The following PTPRD variants were observed in gnomAD, a reference collection of about 807,000 sequenced individuals.
PTPRD encodes the protein protein tyrosine phosphatase receptor type D.
In PTPRD, 34 loss-of-function variants were observed where a neutral mutation model predicts 214.5. That is an observed-to-expected ratio of 0.16 (90% CI 0.12 to 0.21). PTPRD has a LOEUF of 0.21. Among genes scored for constraint, PTPRD ranks in the 10% least tolerant of loss-of-function variants. The pLI, the probability that PTPRD is intolerant of heterozygous loss-of-function variation, is 1.00. For missense variants in PTPRD, 2,545 were observed against 2,398.7 expected (o/e 1.06, Z -1.27); for synonymous variants, 1,128 against 845.7 (o/e 1.33, Z -5.79).
chr9:9,884,037 C>T (rs763612151), intron 5 of PTPRD, among the ~76,000 whole-genome samples: 4 of 151,984 alleles, frequency 2.6e-5, no homozygotes, highest in South Asian at 2.1e-4. Context: ...GGAAGATATA[C>T]ATTATCTAAG....
At chr9:9,641,781 G>A (rs532045024) in intron 7 of PTPRD, among the ~76,000 whole-genome samples, 1 of 152,178 alleles carries the variant, frequency 6.6e-6, no homozygotes, top group Non-Finnish European at 1.5e-5. Flanking sequence ...GTTTGCCAGC[G>A]GGGCTGAAGG....
chr9:9,036,133 T>A (rs1281475763), intron 10 of PTPRD, among the ~76,000 whole-genome samples: 2 of 151,856 alleles, frequency 1.3e-5, no homozygotes, highest in Non-Finnish European at 2.9e-5. Context: ...CCAAGGAAAG[T>A]CTTGCTTCAA....
intron 9 of PTPRD, among the ~76,000 whole-genome samples, chr9:9,232,275 A>G (rs906690801): frequency 3.3e-5 from 5 of 152,186 alleles, no homozygotes; most frequent in African/African-American, 1.2e-4. Context: ...AAAATCAACA[A>G]TTGTCCCTGC....
chr9:9,916,661 GTAGTTA>G (rs1197577849), intron 5 of PTPRD, among the ~76,000 whole-genome samples: 1 of 151,878 alleles, frequency 6.6e-6, no homozygotes, highest in Non-Finnish European at 1.5e-5. Context: ...AAAGCTAACA[GTAGTTA>G]TAGTTAGATC....
intron 43 of PTPRD, among the ~76,000 whole-genome samples, chr9:8,336,352 A>C (rs566616237): frequency 0.022 from 3,270 of 147,438 alleles, 9 homozygotes; most frequent in African/African-American, 0.081. Flanking sequence ...GAATGGGGAA[A>C]GGCTCCTCTA....
At chr9:10,250,903 G>C (rs143456545) in intron 3 of PTPRD, among the ~76,000 whole-genome samples, 72 of 151,716 alleles carry the variant, frequency 4.7e-4, no homozygotes, top group Middle Eastern at 3.4e-3. Context: ...TTGTATACTG[G>C]CATCCACATC....
At chr9:8,619,373 G>A (rs2095735424) in intron 14 of PTPRD, among the ~76,000 whole-genome samples, 1 of 149,504 alleles carries the variant, frequency 6.7e-6, no homozygotes, top group African/African-American at 2.5e-5. Flanking sequence ...CTCAGCCTCT[G>A]GTAACCAACA....
At chr9:8,581,192 T>C (rs1432748745) in intron 14 of PTPRD, among the ~76,000 whole-genome samples, 1 of 151,218 alleles carries the variant, frequency 6.6e-6, no homozygotes, top group African/African-American at 2.4e-5. Context: ...TAGGAATATA[T>C]TATAAAAAAA....
At chr9:8,337,731 C>G (rs1037969490) in intron 43 of PTPRD, among the ~76,000 whole-genome samples, 1 of 151,840 alleles carries the variant, frequency 6.6e-6, no homozygotes, top group Non-Finnish European at 1.5e-5. Context: ...TTAAGTTGTG[C>G]ATGTGTGGAA....
At chr9:9,684,012 C>G (rs534222840) in intron 7 of PTPRD, among the ~76,000 whole-genome samples, 2 of 151,474 alleles carry the variant, frequency 1.3e-5, no homozygotes, top group Non-Finnish European at 3.0e-5. Flanking sequence ...TTCTTTGTAG[C>G]CTAAAGAGGA....
At chr9:9,774,987 C>T (rs2098785080) in intron 5 of PTPRD, among the ~76,000 whole-genome samples, 1 of 152,004 alleles carries the variant, frequency 6.6e-6, no homozygotes, top group Non-Finnish European at 1.5e-5. Flanking sequence ...CTGGGTTGTA[C>T]ATCATTATCG....
intron 2 of PTPRD, among the ~76,000 whole-genome samples, chr9:10,427,600 T>C (rs1399042584): frequency 6.6e-6 from 1 of 152,040 alleles, no homozygotes; most frequent in Non-Finnish European, 1.5e-5. Context: ...TAGAGCTATG[T>C]GCCAATCATA....
intron 3 of PTPRD, among the ~76,000 whole-genome samples, chr9:10,229,385 A>G (rs900088931): frequency 2.0e-4 from 31 of 152,172 alleles, no homozygotes; most frequent in Non-Finnish European, 3.7e-4. Context: ...TCATGCTGCT[A>G]TAAAGACACA....
At chr9:9,164,850 TAAAACAAAACAAAACAAAAC>T (rs80164907) in intron 10 of PTPRD, among the ~76,000 whole-genome samples, 169 of 147,014 alleles carry the variant, frequency 1.1e-3, no homozygotes, top group African/African-American at 3.4e-3. Context: ...CTGTCTCTAC[TAAAACAAAACAAAACAAAAC>T]AAAACAAAAC....
chr9:10,358,535 C>A (rs2097318819), intron 2 of PTPRD, among the ~76,000 whole-genome samples: 1 of 151,762 alleles, frequency 6.6e-6, no homozygotes, highest in Non-Finnish European at 1.5e-5. Context: ...GCTGCAATGT[C>A]AATGAATTAA....
chr9:9,330,565 A>C (rs1275870277), intron 9 of PTPRD, among the ~76,000 whole-genome samples: 1 of 152,102 alleles, frequency 6.6e-6, no homozygotes, highest in African/African-American at 2.4e-5. Context: ...AATATTATTA[A>C]AAGTCTGTTC....
chr9:9,517,130 A>T (rs1041922451), intron 8 of PTPRD, among the ~76,000 whole-genome samples: 1 of 152,164 alleles, frequency 6.6e-6, no homozygotes, highest in South Asian at 2.1e-4. Context: ...ATGCTAAATT[A>T]TGCAACATTT....
intron 8 of PTPRD, among the ~76,000 whole-genome samples, chr9:9,574,516 T>C (rs570977833): frequency 2.0e-5 from 3 of 152,160 alleles, no homozygotes; most frequent in Admixed American, 6.5e-5. Flanking sequence ...AAAATTTACA[T>C]AGAAATCTAT....
intron 9 of PTPRD, among the ~76,000 whole-genome samples, chr9:9,308,848 G>A (rs758683306): frequency 1.2e-4 from 19 of 152,074 alleles, no homozygotes; most frequent in Non-Finnish European, 2.2e-4. Context: ...CAAACACTGT[G>A]AAGCATGCTG....
Sources: gnomAD v4.1 joint callset for allele counts (sites outside exome capture counted in the v4.1 genomes callset) on GRCh38, gnomAD v4.1.1 for gene constraint, MANE v1.5 for transcripts, NCBI Gene and HGNC (gene_info 2026-07-23, HGNC 2026-07-21) for gene names.